Variants in TBC1D2B observed in about 807,000 individuals in gnomAD.
TBC1D2B encodes the protein TBC1 domain family member 2B.
Under a neutral mutation model 100.8 loss-of-function variants are expected in TBC1D2B, and 64 were observed. That is an observed-to-expected ratio of 0.64 (90% CI 0.52 to 0.78). The LOEUF is 0.78. TBC1D2B is among the 30% of genes least tolerant of loss of function. The pLI is 0.00. For missense variants in TBC1D2B, 1,052 were observed against 1,218.4 expected (o/e 0.86, Z 2.03); for synonymous variants, 480 against 479.7 (o/e 1.00, Z -0.01).
At chr15:78,040,983 T>C (rs987163341) in intron 3 of TBC1D2B, among the ~76,000 whole-genome samples, 2 of 152,224 alleles carry the variant, frequency 1.3e-5, no homozygotes, top group Non-Finnish European at 2.9e-5. Flanking sequence ...GTTATCTTTC[T>C]TGGGCAAATC....
chr15:78,061,437 G>C (rs137972299), intron 1 of TBC1D2B, among the ~76,000 whole-genome samples: 4,578 of 152,036 alleles, frequency 0.03, 255 homozygotes, highest in African/African-American at 0.11. Flanking sequence ...GCCAGGTGTG[G>C]TGGTGCATGC....
chr15:78,071,739 A>G lies in TBC1D2B; in HGVS notation c.360+5554T>C, dbSNP rs568521078. Among the ~76,000 whole-genome samples the G allele has an allele frequency of 2.4e-4, 37 of 152,290 alleles. No homozygotes were observed. In the South Asian group the frequency reaches 6.0e-3, roughly 25 times the overall value. ...CTAAAGGGTCAGGGCTCACACCAAA[A>G]CCAGTGCTTACTGGGTGACCATTTT... On this transcript the variant is annotated intron_variant, in intron 1 of 12. Transcript: ENST00000300584.
rs183896331 is a variant in TBC1D2B at position 77,999,761 on chromosome 15, C to G, written c.2697-1406G>C. 1.2e-4 allele frequency among the ~76,000 whole-genome samples: 19 copies of G among 152,342 alleles called. No homozygotes were observed. The East Asian group carries it at 3.1e-3, about 25-fold the overall frequency. On this transcript the variant is annotated intron_variant, in intron 12 of 12. Transcript: ENST00000300584. ...TCTTCATTTGTTCCTCAGTCAGGAG[C>G]TGACAGAGGCCCCTCGGCCCAGGCT...
chr15:78,024,108 A>T, intron 6 of TBC1D2B, 48 bp downstream of exon 6: 1 of 1,556,570 alleles, frequency 6.4e-7, no homozygotes, highest in African/African-American at 1.4e-5. Context: ...CTGGGGTGAC[A>T]TCGGTGGTCT....
chr15:78,005,374 G>T (rs1298351604), intron 10 of TBC1D2B, among the ~76,000 whole-genome samples: 1 of 152,242 alleles, frequency 6.6e-6, no homozygotes, highest in South Asian at 2.1e-4. Flanking sequence ...CATGTGGACT[G>T]CAGTAGCAGT....
In TBC1D2B at chr15:77,996,605, C is replaced by G. The variant is rs1240260076; in HGVS notation, c.*1555G>C. 1 of 152,252 alleles carries G rather than the reference C, an allele frequency of 6.6e-6. No individual in the cohort carries two copies. Among genetic ancestry groups the G allele is most frequent in the Non-Finnish European group, 1.5e-5 (1 of 68,054 alleles). 9.4% of individuals were successfully genotyped at this position (152,252 alleles called of 1,614,324 possible). ...AATATAGAGGCCAGCTCCGTCTACCCAGTGAAACATTAGTGGAGTTGGTTA... is the reference window on the plus strand; with the variant it reads ...AATATAGAGGCCAGCTCCGTCTACCGAGTGAAACATTAGTGGAGTTGGTTA... On this transcript the variant is annotated 3_prime_UTR_variant, in exon 13 of 13. Coordinates refer to ENST00000300584, the MANE Select transcript of TBC1D2B (RefSeq NM_144572.2).
intron 1 of TBC1D2B, among the ~76,000 whole-genome samples, chr15:78,055,301 T>C (rs1292299033): frequency 1.4e-5 from 1 of 69,258 alleles, no homozygotes; most frequent in Non-Finnish European, 3.3e-5. Flanking sequence ...ACACAAAGAG[T>C]GAATATCATT....
intron 6 of TBC1D2B, among the ~76,000 whole-genome samples, chr15:78,023,852 A>G (rs2072580453): frequency 6.6e-6 from 1 of 152,244 alleles, no homozygotes; most frequent in Admixed American, 6.5e-5. Context: ...CAGCCTCCAT[A>G]TGATACAAGG....
At chr15:78,047,243 C>T (rs1196868185) in intron 2 of TBC1D2B, among the ~76,000 whole-genome samples, 2 of 151,054 alleles carry the variant, frequency 1.3e-5, no homozygotes, top group African/African-American at 4.9e-5. Flanking sequence ...CGGCTCACTG[C>T]AGCCTCTTGA....
At chr15:78,015,752 A>T (rs971696290) in intron 8 of TBC1D2B, among the ~76,000 whole-genome samples, 3 of 152,254 alleles carry the variant, frequency 2.0e-5, no homozygotes, top group African/African-American at 7.2e-5. Context: ...CTCTGCACAT[A>T]AAACCCTTAG....
chr15:78,009,939 C>T (rs1305981113), intron 9 of TBC1D2B, among the ~76,000 whole-genome samples: 4 of 147,658 alleles, frequency 2.7e-5, no homozygotes, highest in African/African-American at 5.0e-5. Flanking sequence ...AGCTCCACTG[C>T]ACTCCGGCCT....
intron 8 of TBC1D2B, among the ~76,000 whole-genome samples, chr15:78,015,339 A>G (rs976216800): frequency 2.0e-5 from 3 of 152,236 alleles, no homozygotes; most frequent in African/African-American, 7.2e-5. Flanking sequence ...ACACAGGGGT[A>G]TATGTTACAT....
intron 2 of TBC1D2B, among the ~76,000 whole-genome samples, chr15:78,050,657 G>A (rs915243817): frequency 2.0e-5 from 3 of 152,206 alleles, no homozygotes; most frequent in African/African-American, 7.2e-5. Flanking sequence ...TCCAGACACA[G>A]AAGACAATGT....
At chr15:78,053,122 T>C (rs1360513850) in intron 2 of TBC1D2B, among the ~76,000 whole-genome samples, 2 of 152,232 alleles carry the variant, frequency 1.3e-5, no homozygotes, top group African/African-American at 2.4e-5. Flanking sequence ...CCTTTGTTTC[T>C]GGAGTAAATC....
intron 9 of TBC1D2B, 126 bp from the exon 10 acceptor site, chr15:78,009,240 A>G (rs901885632): frequency 3.0e-6 from 2 of 655,798 alleles, no homozygotes; most frequent in African/African-American, 1.8e-5. Context: ...GTTCTCCAAT[A>G]AAGAATAATA....
intron 8 of TBC1D2B, among the ~76,000 whole-genome samples, chr15:78,015,834 T>C (rs1467487060): frequency 6.6e-6 from 1 of 152,226 alleles, no homozygotes; most frequent in Non-Finnish European, 1.5e-5. Context: ...TTTCTGAGCA[T>C]ATTTCTGTCA....
At chr15:78,003,724 G>T in intron 10 of TBC1D2B, 1 of 473,312 alleles carries the variant, frequency 2.1e-6, no homozygotes, top group Admixed American at 3.3e-5. Context: ...TTTCCACAGG[G>T]CATGGGAGTA....
At chr15:78,004,451 C>T (rs11633569) in intron 10 of TBC1D2B, among the ~76,000 whole-genome samples, 135,176 of 152,198 alleles carry the variant, frequency 0.89, 60,744 homozygotes, top group East Asian at 0.99. Context: ...CAGAAGCTGG[C>T]CACAGACACC....
chr15:78,051,615 T>C (rs2073315584), intron 2 of TBC1D2B, among the ~76,000 whole-genome samples: 1 of 152,218 alleles, frequency 6.6e-6, no homozygotes, highest in Non-Finnish European at 1.5e-5. Flanking sequence ...AGACTACAAA[T>C]CAAAATGTTC....
Sources: allele counts gnomAD v4.1 joint callset (sites outside exome capture counted in the v4.1 genomes callset), GRCh38; gene constraint gnomAD v4.1.1; transcripts MANE v1.5; gene names NCBI Gene and HGNC (gene_info 2026-07-23, HGNC 2026-07-21).